AGAP2: variants seen among roughly 807,000 people sequenced by gnomAD.
The protein encoded by AGAP2 is arf-GAP with GTPase, ANK repeat and PH domain-containing protein 2.
Under a neutral mutation model 110.9 loss-of-function variants are expected in AGAP2, and 32 were observed. That is an observed-to-expected ratio of 0.29 (90% confidence interval 0.22 to 0.39). The LOEUF (loss-of-function observed/expected upper bound fraction) is 0.39, where lower values mean the gene tolerates loss of function less well. Ranked by LOEUF, AGAP2 falls within the 10% of genes least tolerant of loss-of-function variation. The pLI is 1.00. For missense variants in AGAP2, 1,285 were observed against 1,638.5 expected, an observed-to-expected ratio of 0.78 and a Z score of 3.72; for synonymous variants, 702 against 713.0, an observed-to-expected ratio of 0.98 and a Z score of 0.25.
Position 57,727,048 on chromosome 12 carries a change from C to A in AGAP2, c.3262G>T (p.Asp1088Tyr). 1 of 1,607,268 alleles carries A rather than the reference C, an allele frequency of 6.2e-7. No individual in the cohort carries two copies. ...RHGPLDTSVEDPQLRSPLHLA... is the reference protein window; with the variant it reads ...RHGPLDTSVEYPQLRSPLHLA... ...TGGAGTGGGGAGCGCAGCTGTGGGT[C>A]CTCTACGCTGGTGTCGAGCGGCCCG... Residue 1088 changes from aspartate (D) to tyrosine (Y), a missense_variant, in exon 18 of 19, where the codon GAC becomes TAC. Physicochemically the swap from Asp to Tyr is radical, Grantham distance 160. Around this residue, in one of 7 missense-constraint regions of AGAP2, gnomAD observed 201 missense variants for 276.1 expected, o/e 0.73. Transcript: ENST00000547588.
Position 57,730,828 on chromosome 12 carries a change from G to A in AGAP2, c.2271C>T (p.Val757=). The change falls in exon 11 of 19, where the codon GTC becomes GTT. Residue 757 remains valine, a synonymous_variant. Transcript: ENST00000547588. ...FGPSASINGL[V]KDMSTVQMGE... ...CCATCTGGACAGTGCTCATGTCCTTGACGAGCCCGTTAATGCTGGCTGAGG... is the reference window on the plus strand; with the variant it reads ...CCATCTGGACAGTGCTCATGTCCTTAACGAGCCCGTTAATGCTGGCTGAGG... 6.2e-7 allele frequency: 1 copy of A among 1,614,042 alleles called. No individual in the cohort carries two copies.
In AGAP2 at chr12:57,732,431, G is replaced by C; in HGVS notation, c.1766C>G (p.Ser589Ter). 6.2e-7 allele frequency: 1 copy of C among 1,606,244 alleles called. No individual in the cohort carries two copies. Among genetic ancestry groups the C allele is most frequent in the Non-Finnish European group, 8.5e-7 (1 of 1,176,178 alleles). Residue 589 changes from serine (S) to a stop codon, truncating the protein, a stop_gained, in exon 7 of 19, where the codon TCA becomes TGA. Transcript: ENST00000547588. LOFTEE classifies it high-confidence loss of function. ...CKSLPSSPSHSAASTPVAGQA... is the reference protein window; with the variant it reads ...CKSLPSSPSH ...GCCAGCTACCGGAGTGGATGCAGCT[G>C]AGTGGCTTGGGGAGCTGGGCAGGGA...
chr12:57,733,338 A>T (rs1233545598), intron 5 of AGAP2, among the ~76,000 whole-genome samples: 1 of 152,036 alleles, frequency 6.6e-6, no homozygotes, highest in Non-Finnish European at 1.5e-5. Context: ...TGGTGGGAGG[A>T]CACCAGCTTG....
rs377190431 is a variant in AGAP2, at chr12:57,733,987, G to A, written c.1549+39C>T. 14 of 1,526,012 alleles carry A rather than the reference G, an allele frequency of 9.2e-6. No individual in the cohort carries two copies. In the Middle Eastern group the frequency reaches 1.0e-3, roughly 114 times the overall value. 94.5% of individuals were successfully genotyped at this position (1,526,012 alleles called of 1,614,324 possible). A position where few individuals can be genotyped will look rare whatever the true frequency, so the allele number is the denominator to read the frequency against. Reference sequence around the variant, plus strand: ...GCAATATCCCAGTAGCCTCCTTAGGGCCTCCCTTGAAAGCAGTGCTTTCCT... The same window carrying A: ...GCAATATCCCAGTAGCCTCCTTAGGACCTCCCTTGAAAGCAGTGCTTTCCT... On this transcript the variant is annotated intron_variant, in intron 5 of 18. Transcript: ENST00000547588.
At chr12:57,738,964 TGAG>T (rs1292507676), upstream of AGAP2, among the ~76,000 whole-genome samples, 3 of 151,720 alleles carry the variant, frequency 2.0e-5, no homozygotes, top group Non-Finnish European at 4.4e-5. The surrounding 1 kb of genome is among the most constrained non-coding windows in gnomAD (Gnocchi z 6.7). Context: ...CCCCTCACAT[TGAG>T]GAGGAGGCGG....
intron 7 of AGAP2, 90 bp from the exon 8 acceptor site, chr12:57,732,057 TC>T: frequency 7.1e-7 from 1 of 1,406,710 alleles, no homozygotes. Flanking sequence ...TTTGAGACAT[TC>T]CTTGATCACC....
Position 57,734,422 on chromosome 12 carries a change from AAGGGGTAAC to A in AGAP2, c.1316-27_1316-19del, listed in dbSNP as rs753605902. The A allele has an allele frequency of 1.2e-6, 2 of 1,613,700 alleles. No homozygotes were observed. The highest frequency in any genetic ancestry group is 1.7e-6 in the Non-Finnish European group (2 of 1,179,590). ...CTGCTCACCTGTCCAGAAGAGTTGG[AAGGGGTAAC>A]AGGTCAGAGGTGACAGGTCACCAAA... On this transcript the variant is annotated intron_variant, in intron 3 of 18. Transcript: ENST00000547588.
chr12:57,729,715 A>C lies in AGAP2; in HGVS notation c.2481T>G (p.Ser827=). The C allele has an allele frequency of 1.9e-6, 3 of 1,613,746 alleles. No individual in the cohort carries two copies. Among genetic ancestry groups the C allele is most frequent in the Non-Finnish European group, 2.5e-6 (3 of 1,179,838 alleles). ...TCCTCCTCTGCTTCTTCACCATGGGAGAAGGAGGGGGTTCCCGACTCAGGG... is the reference window on the plus strand; with the variant it reads ...TCCTCCTCTGCTTCTTCACCATGGGCGAAGGAGGGGGTTCCCGACTCAGGG... ...LSPLSREPPP[S]PMVKKQRRKK... Residue 827 remains serine (S), a synonymous_variant, in exon 13 of 19, where the codon TCT becomes TCG. Coordinates refer to ENST00000547588, the MANE Select transcript of AGAP2 (RefSeq NM_001122772.3).
intron 6 of AGAP2, 128 bp downstream of exon 6, chr12:57,732,717 T>C: frequency 6.7e-7 from 1 of 1,496,782 alleles, no homozygotes; most frequent in Non-Finnish European, 9.0e-7. Flanking sequence ...GCCTCCCTGA[T>C]CTCTCCTCCC....
downstream of AGAP2, chr12:57,724,869 C>T (rs571874859): frequency 1.3e-4 from 20 of 152,434 alleles, no homozygotes; most frequent in African/African-American, 4.3e-4. Flanking sequence ...TGCTCTTAAA[C>T]AAAGCTGTCC....
intron 8 of AGAP2, 23 bp downstream of exon 8, chr12:57,731,786 G>T (rs1406249103): frequency 6.4e-7 from 1 of 1,556,002 alleles, no homozygotes; most frequent in Non-Finnish European, 8.7e-7. Flanking sequence ...GAGGATGGGG[G>T]TCAGCATGTC....
chr12:57,731,011 A>G, intron 10 of AGAP2, 58 bp from the exon 11 acceptor site: 1 of 1,453,918 alleles, frequency 6.9e-7, no homozygotes, highest in Non-Finnish European at 9.1e-7. Flanking sequence ...TATGCTGGGA[A>G]GCAGTCAACA....
intron 10 of AGAP2, 34 bp from the exon 11 acceptor site, chr12:57,730,987 G>A: frequency 6.8e-7 from 1 of 1,479,090 alleles, no homozygotes; most frequent in Non-Finnish European, 8.9e-7. Flanking sequence ...TGTAGGGAAG[G>A]TTGGGGTCCT....
At position 57,738,389 on chromosome 12, in the gene AGAP2, G is replaced by GCCT; in HGVS notation, c.-146_-144dup. On this transcript the variant is annotated 5_prime_UTR_variant, in exon 1 of 19. Transcript: ENST00000547588. This position sits in a 1 kb window ranked among gnomAD's most constrained non-coding sequence, Gnocchi z 6.7. ...CCGGCCCGGCTCCGCTGTCGCCGCCGCCTCCGCCGCCTCCGCTTGCGCCCC... is the reference window on the plus strand; with the variant it reads ...CCGGCCCGGCTCCGCTGTCGCCGCCGCCTCCTCCGCCGCCTCCGCTTGCGCCCC... The GCCT allele has an allele frequency of 5.8e-6, 6 of 1,037,426 alleles. No homozygotes were observed. The highest frequency in any genetic ancestry group is 7.3e-6 in the Non-Finnish European group (6 of 820,402). 64.3% of individuals were successfully genotyped at this position (1,037,426 alleles called of 1,614,324 possible). A position where few individuals can be genotyped will look rare whatever the true frequency, so the allele number is the denominator to read the frequency against.
At chr12:57,735,746 G>T (rs983673485) in intron 1 of AGAP2, among the ~76,000 whole-genome samples, 7 of 152,358 alleles carry the variant, frequency 4.6e-5, no homozygotes, top group Middle Eastern at 6.8e-3. Context: ...CTCTGACAGT[G>T]GCAGGTTCTT....
chr12:57,736,463 G>A (rs1954983703), intron 1 of AGAP2, among the ~76,000 whole-genome samples: 1 of 152,100 alleles, frequency 6.6e-6, no homozygotes, highest in Non-Finnish European at 1.5e-5. Context: ...TGGGGAGGGG[G>A]TGGGCAGTGG....
upstream of AGAP2, chr12:57,742,046 A>G (rs1165378859): frequency 1.9e-6 from 3 of 1,614,020 alleles, no homozygotes; most frequent in Non-Finnish European, 2.5e-6. Context: ...CACTGCAGCT[A>G]CAACGAACTG....
chr12:57,729,411 G>A (rs1443861878), intron 13 of AGAP2, among the ~76,000 whole-genome samples: 1 of 151,764 alleles, frequency 6.6e-6, no homozygotes, highest in East Asian at 1.9e-4. Context: ...TATAGACATG[G>A]ACATCGTTGA....
At chr12:57,736,250 G>A (rs2140365656) in intron 1 of AGAP2, among the ~76,000 whole-genome samples, 1 of 152,252 alleles carries the variant, frequency 6.6e-6, no homozygotes, top group East Asian at 1.9e-4. Flanking sequence ...CTCCTCTCCC[G>A]GGAGTGTGAG....
Sources: gnomAD v4.1 joint callset for allele counts (sites outside exome capture counted in the v4.1 genomes callset) on GRCh38, gnomAD v4.1.1 for gene constraint, gnomAD v4.1.1 regional missense constraint, Gnocchi (gnomAD v3.1) non-coding constraint, MANE v1.5 for transcripts, NCBI Gene and HGNC (gene_info 2026-07-23, HGNC 2026-07-21) for gene names.